RPL22: variants seen among roughly 807,000 people sequenced by gnomAD.
RPL22 encodes large ribosomal subunit protein eL22.
Under a neutral mutation model 16.2 loss-of-function variants are expected in RPL22, and 4 were observed. The observed-to-expected ratio is 0.25, with a 90% CI of 0.12 to 0.57. RPL22 has a LOEUF of 0.57. Ranked by LOEUF, RPL22 falls within the 20% of genes least tolerant of loss-of-function variation. RPL22 has a pLI of 0.92. For missense variants in RPL22, 83 were observed against 156.1 expected (o/e 0.53, Z 2.49); for synonymous variants, 43 against 54.8 (o/e 0.78, Z 0.95).
chr1:6,196,706 G>T (rs1667721792), intron 2 of RPL22, among the ~76,000 whole-genome samples: 1 of 151,736 alleles, frequency 6.6e-6, no homozygotes, highest in African/African-American at 2.4e-5. Context: ...AATATTTCTA[G>T]ATTGCAATAG....
intron 2 of RPL22, among the ~76,000 whole-genome samples, chr1:6,196,587 T>C (rs1193383102): frequency 4.6e-5 from 7 of 152,172 alleles, no homozygotes; most frequent in Non-Finnish European, 8.8e-5. Context: ...TTTAGGAGAC[T>C]TCTACACACA....
chr1:6,197,679 T>C lies in RPL22; in HGVS notation c.90A>G (p.Glu30=). The change falls in exon 2 of 4, where the codon GAA becomes GAG. Residue 30 remains glutamate, a synonymous_variant. Coordinates refer to ENST00000234875, the MANE Select transcript of RPL22 (RefSeq NM_000983.4). ...AATTGGCAGCATCCATGATTCCATCTTCTACAGGGTGGGTGCAATCAAGAG... is the reference window on the plus strand; with the variant it reads ...AATTGGCAGCATCCATGATTCCATCCTCTACAGGGTGGGTGCAATCAAGAG... ...KFTLDCTHPV[E]DGIMDAANFE... The C allele has an allele frequency of 6.2e-7, 1 of 1,613,662 alleles. No homozygotes were observed. The highest frequency in any genetic ancestry group is 8.5e-7 in the Non-Finnish European group (1 of 1,179,700).
chr1:6,187,264 T>C (rs1168099758), intron 3 of RPL22, among the ~76,000 whole-genome samples: 1 of 151,684 alleles, frequency 6.6e-6, no homozygotes, highest in Non-Finnish European at 1.5e-5. Context: ...GCTAAGATTG[T>C]ACCACTGTAT....
chr1:6,193,369 G>A (rs995239431), intron 2 of RPL22, among the ~76,000 whole-genome samples: 1 of 149,434 alleles, frequency 6.7e-6, no homozygotes, highest in Non-Finnish European at 1.5e-5. Flanking sequence ...TTGTTGCCCA[G>A]GCTGGAGTGC....
intron 1 of RPL22, 60 bp from the exon 2 acceptor site, chr1:6,197,816 T>TA (rs1667740214): frequency 1.7e-6 from 2 of 1,205,464 alleles, no homozygotes; most frequent in African/African-American, 3.0e-5. Context: ...AAAACAAGAT[T>TA]AACAGAACCA....
At chr1:6,198,560 G>A (rs1046801737) in intron 1 of RPL22, 2 of 152,210 alleles carry the variant, frequency 1.3e-5, no homozygotes, top group Non-Finnish European at 2.9e-5. Context: ...ACGTTTAAAA[G>A]CTCTGCAGAA....
chr1:6,186,505 AAAG>A lies in RPL22; in HGVS notation c.*164_*166del. The A allele has an allele frequency of 3.9e-6, 2 of 511,140 alleles. No homozygotes were observed. The highest frequency in any genetic ancestry group is 6.8e-6 in the Non-Finnish European group (2 of 295,938). The allele number at this position is 511,140 out of a possible 1,614,324, so 31.7% of individuals were successfully genotyped here. ...AATTGAAATTTTTAAGCAGAAAAAA[AAAG>A]AAGTCAAGTTACAAATAAATGAGTG... On this transcript the variant is annotated 3_prime_UTR_variant, in exon 4 of 4. Transcript: ENST00000234875.
chr1:6,186,831 C>A lies in RPL22; in HGVS notation c.243-15G>T, dbSNP rs760244396. On this transcript the variant is annotated splice_polypyrimidine_tract_variant and intron_variant, in intron 3 of 3. Coordinates refer to ENST00000234875, the MANE Select transcript of RPL22 (RefSeq NM_000983.4). ...ATTTCAAATACCTGCAGAGAAAGGA[C>A]ACAAGAACTCCACTAGACAGTTGGT... is the stretch of plus-strand genomic sequence containing the variant. The A allele has an allele frequency of 3.1e-6, 5 of 1,612,906 alleles. No individual in the cohort carries two copies. The highest frequency in any genetic ancestry group is 3.4e-6 in the Non-Finnish European group (4 of 1,179,598).
Position 6,197,600 on chromosome 1 carries a change from A to G in RPL22, c.117+52T>C, listed in dbSNP as rs1243413461. On this transcript the variant is annotated intron_variant, in intron 2 of 3. Transcript: ENST00000234875. Reference sequence around the variant, plus strand: ...ATGTACCCCAGTAGGTTTTCTCAACAGTATCTCAAAATGTTCGTGACCACC... The same window carrying G: ...ATGTACCCCAGTAGGTTTTCTCAACGGTATCTCAAAATGTTCGTGACCACC... 5.8e-6 allele frequency: 7 copies of G among 1,212,106 alleles called. No individual in the cohort carries two copies. In the African/African-American group the frequency reaches 9.0e-5, roughly 16 times the overall value. 75.1% of individuals were successfully genotyped at this position (1,212,106 alleles called of 1,614,324 possible). A position where few individuals can be genotyped will look rare whatever the true frequency, so the allele number is the denominator to read the frequency against.
chr1:6,199,588 T>A lies in RPL22; in HGVS notation c.-15A>T. On this transcript the variant is annotated 5_prime_UTR_variant, in exon 1 of 4. Transcript: ENST00000234875. The stretch of plus-strand genomic sequence containing the variant: ...ACAGGAGCCATGGCGGCAGCGGAGT[T>A]AGAAAGGGAGGTGAGCGAACTACGC... 6.4e-7 allele frequency: 1 copy of A among 1,567,792 alleles called. No individual in the cohort carries two copies. The highest frequency in any genetic ancestry group is 8.6e-7 in the Non-Finnish European group (1 of 1,156,438).
chr1:6,194,209 A>C (rs1254568830), intron 2 of RPL22, among the ~76,000 whole-genome samples: 2 of 152,212 alleles, frequency 1.3e-5, no homozygotes, highest in Admixed American at 6.5e-5. Flanking sequence ...GTCTCAAAAA[A>C]TAAATAAATA....
chr1:6,199,370 C>T, intron 1 of RPL22, 192 bp downstream of exon 1: 1 of 1,330,896 alleles, frequency 7.5e-7, no homozygotes, highest in Non-Finnish European at 9.7e-7. Context: ...CCTCACGAGC[C>T]TCGGGCCGCG....
rs1172638496 is a variant in RPL22 at position 6,186,131 on chromosome 1, G to C, written c.*541C>G. 1 of 232,856 alleles carries C rather than the reference G, an allele frequency of 4.3e-6. No individual in the cohort carries two copies. The highest frequency in any genetic ancestry group is 8.5e-6 in the Non-Finnish European group (1 of 118,032). 14.4% of individuals were successfully genotyped at this position (232,856 alleles called of 1,614,324 possible). On this transcript the variant is annotated 3_prime_UTR_variant, in exon 4 of 4. Coordinates refer to ENST00000234875, the MANE Select transcript of RPL22 (RefSeq NM_000983.4). Reference sequence around the variant, plus strand: ...ATGGCAGCAACACTGAAGGAGCACAGTTTCTCTCTCTAGGAAGAAGAGGAT... The same window carrying C: ...ATGGCAGCAACACTGAAGGAGCACACTTTCTCTCTCTAGGAAGAAGAGGAT...
At chr1:6,192,418 C>A (rs116735038) in intron 3 of RPL22, among the ~76,000 whole-genome samples, 2,745 of 152,286 alleles carry the variant, frequency 0.018, 42 homozygotes, top group African/African-American at 0.045. Flanking sequence ...TTTAGCCTGG[C>A]CGGGCATGGT....
intron 1 of RPL22, chr1:6,198,066 T>C (rs1553146276): frequency 9.8e-6 from 3 of 304,710 alleles, no homozygotes; most frequent in Non-Finnish European, 6.1e-6. Flanking sequence ...TCTTAGTTTA[T>C]GAACCACAAT....
At chr1:6,197,619 G>T (rs774298678) in intron 2 of RPL22, 33 bp downstream of exon 2, 3 of 1,429,544 alleles carry the variant, frequency 2.1e-6, no homozygotes, top group East Asian at 2.3e-5. Flanking sequence ...AAATGTTCGT[G>T]ACCACCCGAG....
rs1290094077 is a variant in RPL22 at position 6,186,695 on chromosome 1, C to G, written c.364G>C (p.Glu122Gln). 1 of 1,572,900 alleles carries G rather than the reference C, an allele frequency of 6.4e-7. No individual in the cohort carries two copies. The highest frequency in any genetic ancestry group is 1.4e-5 in the African/African-American group (1 of 72,464). The change falls in exon 4 of 4, where the codon GAA (glutamate) becomes CAA (glutamine). Residue 122 changes from glutamate to glutamine, a missense_variant. Glu to Gln is a conservative substitution (Grantham distance 29). Coordinates refer to ENST00000234875, the MANE Select transcript of RPL22 (RefSeq NM_000983.4). ...LRYFQINQDE[E>Q]EEEDED Reference sequence around the variant, plus strand: ...ATTTAATCCTCGTCTTCCTCCTCTTCTTCGTCCTGGTTAATCTGGAAGTAA... The same window carrying G: ...ATTTAATCCTCGTCTTCCTCCTCTTGTTCGTCCTGGTTAATCTGGAAGTAA...
rs1667568178 is a variant in RPL22 at position 6,185,151 on chromosome 1, TTC to T, written c.*1519_*1520del. ...ACAAGTTTTCAAATCTGGGACTAGT[TTC>T]TTTTTTTCTTTTAACTGAAATGCCA... On this transcript the variant is annotated 3_prime_UTR_variant, in exon 4 of 4. Transcript: ENST00000234875. 1 of 394,960 alleles carries T rather than the reference TTC, an allele frequency of 2.5e-6. No homozygotes were observed. The highest frequency in any genetic ancestry group is 4.4e-5 in the Admixed American group (1 of 22,634). The allele number at this position is 394,960 out of a possible 1,614,324, so 24.5% of individuals were successfully genotyped here.
rs1465901759 is a variant in RPL22 at position 6,185,941 on chromosome 1, G to T, written c.*731C>A. 6 of 230,534 alleles carry T rather than the reference G, an allele frequency of 2.6e-5. No homozygotes were observed. The East Asian group carries it at 3.7e-4, about 14-fold the overall frequency. The allele number at this position is 230,534 out of a possible 1,614,324, so 14.3% of individuals were successfully genotyped here. A position where few individuals can be genotyped will look rare whatever the true frequency, so the allele number is the denominator to read the frequency against. ...GGGCCCCCATTGCTGGGCCCCACAC[G>T]GGAGACCACATCTGGAAGCACTATT... On this transcript the variant is annotated 3_prime_UTR_variant, in exon 4 of 4. Transcript: ENST00000234875.
Sources: gnomAD v4.1 joint callset for allele counts (sites outside exome capture counted in the v4.1 genomes callset) on GRCh38, gnomAD v4.1.1 for gene constraint, MANE v1.5 for transcripts, NCBI Gene and HGNC (gene_info 2026-07-23, HGNC 2026-07-21) for gene names.